C9orf85: variants seen among roughly 807,000 people sequenced by gnomAD.
C9orf85 encodes the protein chromosome 9 open reading frame 85, also known as uncharacterized protein C9orf85.
A neutral mutation model predicts 14.9 loss-of-function variants in C9orf85; 16 were observed. The observed-to-expected ratio is 1.08, with a 90% confidence interval of 0.73 to 1.63. C9orf85 has a LOEUF of 1.63. Among genes scored for constraint, C9orf85 ranks in the 40% most tolerant of loss-of-function variants. C9orf85 has a pLI of 0.00. For synonymous variants in C9orf85, 45 were observed against 56.8 expected (o/e 0.79, Z 0.93); for missense variants, 172 against 186.1 (o/e 0.92, Z 0.44).
rs772409641 is a variant in C9orf85 at position 71,911,759 on chromosome 9, GCTCGTTCCAGAC to G, written c.29_40del (p.Arg10_Pro13del). ...GATGAGCTCCCAGAAAGGCAACGTG[GCTCGTTCCAGAC>G]CTCAGAAGCACCAGAATACGTTTAG... On this transcript the variant is annotated inframe_deletion, in exon 1 of 4. Transcript: ENST00000334731. The G allele has an allele frequency of 7.4e-6, 12 of 1,614,068 alleles. No homozygotes were observed.
At chr9:71,963,406 G>A (rs974017763) in intron 2 of C9orf85, among the ~76,000 whole-genome samples, 2 of 152,132 alleles carry the variant, frequency 1.3e-5, no homozygotes, top group Non-Finnish European at 2.9e-5. Flanking sequence ...GCTCGCTCTC[G>A]GTGCCTCCTC....
intron 3 of C9orf85, among the ~76,000 whole-genome samples, chr9:71,980,533 A>C (rs1823081079): frequency 6.6e-6 from 1 of 152,282 alleles, no homozygotes; most frequent in East Asian, 1.9e-4. Context: ...GTCAGGAAAC[A>C]TAAGATAAAA....
chr9:71,921,051 A>G (rs1827789742), intron 1 of C9orf85, among the ~76,000 whole-genome samples: 1 of 152,208 alleles, frequency 6.6e-6, no homozygotes, highest in Non-Finnish European at 1.5e-5. Context: ...TCTTAAGACT[A>G]ACAAAATAGA....
chr9:71,958,247 T>A (rs1822427856), intron 2 of C9orf85, among the ~76,000 whole-genome samples: 1 of 101,414 alleles, frequency 9.9e-6, no homozygotes, highest in Non-Finnish European at 1.9e-5. Context: ...ATATATTTTT[T>A]ATATTTTTAT....
chr9:71,934,399 CTTTG>C (rs1564087225), intron 1 of C9orf85, among the ~76,000 whole-genome samples: 1 of 152,202 alleles, frequency 6.6e-6, no homozygotes, highest in African/African-American at 2.4e-5. Context: ...GCCCAGTTCT[CTTTG>C]TTTGGCGTCT....
intron 1 of C9orf85, among the ~76,000 whole-genome samples, chr9:71,920,751 G>A (rs933491237): frequency 6.6e-5 from 10 of 152,168 alleles, no homozygotes; most frequent in Non-Finnish European, 1.0e-4. Context: ...ATGAAATAAG[G>A]AGGGGATAAA....
chr9:71,968,600 A>G (rs1041539377), intron 2 of C9orf85, among the ~76,000 whole-genome samples: 1 of 152,152 alleles, frequency 6.6e-6, no homozygotes, highest in Non-Finnish European at 1.5e-5. Context: ...AAATTTTCCC[A>G]TTATTCTTTG....
At chr9:71,926,708 C>A (rs1260896308) in intron 1 of C9orf85, among the ~76,000 whole-genome samples, 1 of 148,442 alleles carries the variant, frequency 6.7e-6, no homozygotes, top group Non-Finnish European at 1.5e-5. Context: ...ATGTAAACAT[C>A]TTAATAGAAA....
intron 2 of C9orf85, among the ~76,000 whole-genome samples, chr9:71,949,609 T>A (rs985753645): frequency 1.3e-4 from 20 of 152,208 alleles, no homozygotes; most frequent in African/African-American, 4.8e-4. Context: ...AATATACAGA[T>A]TTATTTAATG....
chr9:71,971,122 C>T (rs1822850912), intron 2 of C9orf85, among the ~76,000 whole-genome samples: 1 of 152,116 alleles, frequency 6.6e-6, no homozygotes, highest in Admixed American at 6.5e-5. Flanking sequence ...TAGTTTCTTT[C>T]AGTGATGTTT....
chr9:71,984,932 G>T (rs1823180792), downstream of C9orf85: 1 of 152,306 alleles, frequency 6.6e-6, no homozygotes, highest in African/African-American at 2.4e-5. Flanking sequence ...CCTTTGGGAG[G>T]TGGCTGGAGG....
intron 2 of C9orf85, among the ~76,000 whole-genome samples, chr9:71,947,572 G>A (rs999223651): frequency 1.3e-5 from 2 of 151,814 alleles, no homozygotes; most frequent in Non-Finnish European, 2.9e-5. Flanking sequence ...TATTTCTTTG[G>A]GAATAGAGGT....
chr9:71,920,282 T>TG (rs1337658405), intron 1 of C9orf85, among the ~76,000 whole-genome samples: 1 of 152,240 alleles, frequency 6.6e-6, no homozygotes, highest in Non-Finnish European at 1.5e-5. Flanking sequence ...TGCTCTACTA[T>TG]GGGGAATAGT....
At chr9:71,958,876 T>C (rs1299994731) in intron 2 of C9orf85, among the ~76,000 whole-genome samples, 2 of 152,160 alleles carry the variant, frequency 1.3e-5, no homozygotes, top group Non-Finnish European at 1.5e-5. Flanking sequence ...ATTCTTTCTA[T>C]AACCTCAAGA....
intron 1 of C9orf85, among the ~76,000 whole-genome samples, chr9:71,932,944 A>G (rs1344852889): frequency 2.0e-5 from 3 of 152,168 alleles, no homozygotes; most frequent in Admixed American, 6.5e-5. Context: ...AACCAAAAAG[A>G]AATTCTGGAG....
At chr9:71,960,847 T>C (rs1386516247) in intron 2 of C9orf85, among the ~76,000 whole-genome samples, 1 of 151,814 alleles carries the variant, frequency 6.6e-6, no homozygotes, top group Non-Finnish European at 1.5e-5. Context: ...ATTCTACATA[T>C]CTATCTGTTC....
chr9:71,926,705 CATCTT>C (rs1352613021), intron 1 of C9orf85, among the ~76,000 whole-genome samples: 1 of 145,554 alleles, frequency 6.9e-6, no homozygotes, highest in Non-Finnish European at 1.5e-5. Flanking sequence ...GAAATGTAAA[CATCTT>C]AATAGAAAGG....
chr9:71,918,664 G>C (rs1488150422), intron 1 of C9orf85: 4 of 299,784 alleles, frequency 1.3e-5, no homozygotes, highest in Non-Finnish European at 2.7e-5. Context: ...TCTCATAGGA[G>C]TGTGAACCCT....
intron 2 of C9orf85, among the ~76,000 whole-genome samples, chr9:71,950,992 T>C (rs977251013): frequency 5.9e-5 from 9 of 152,144 alleles, no homozygotes; most frequent in African/African-American, 2.2e-4. Context: ...TGCCAAAAGT[T>C]AAATCAAAGA....
Sources: gnomAD v4.1 joint callset for allele counts (sites outside exome capture counted in the v4.1 genomes callset) on GRCh38, gnomAD v4.1.1 for gene constraint, MANE v1.5 for transcripts, NCBI Gene and HGNC (gene_info 2026-07-23, HGNC 2026-07-21) for gene names.